WDR48: variants seen among roughly 807,000 people sequenced by gnomAD.
WDR48 encodes the protein WD repeat domain 48, also known as WD repeat-containing protein 48.
Under a neutral mutation model 94.0 loss-of-function variants are expected in WDR48, and 22 were observed. The observed-to-expected ratio is 0.23, with a 90% CI of 0.17 to 0.33. The LOEUF (loss-of-function observed/expected upper bound fraction) is 0.33, where lower values mean the gene tolerates loss of function less well. Ranked by LOEUF, WDR48 falls within the 10% of genes least tolerant of loss-of-function variation. The pLI is 1.00. For synonymous variants in WDR48, 278 were observed against 280.5 expected (o/e 0.99, Z 0.09); for missense variants, 541 against 813.8 (o/e 0.66, Z 4.08).
At position 39,094,813 on chromosome 3, in the gene WDR48, G is replaced by C. The variant is rs1165324529; in HGVS notation, c.*70G>C. 1.9e-6 allele frequency: 3 copies of C among 1,576,838 alleles called. No individual in the cohort carries two copies. The highest frequency in any genetic ancestry group is 1.2e-5 in the South Asian group (1 of 86,424). On this transcript the variant is annotated 3_prime_UTR_variant, in exon 19 of 19. Transcript: ENST00000302313. ...ATGGCCCCAAGAGTAGTCCTAGGAAGCCCACTGATCCCCAACGGGAGCAAG... is the reference window on the plus strand; with the variant it reads ...ATGGCCCCAAGAGTAGTCCTAGGAACCCCACTGATCCCCAACGGGAGCAAG...
intron 11 of WDR48, among the ~76,000 whole-genome samples, chr3:39,083,510 T>TA (rs923240559): frequency 4.6e-5 from 7 of 152,126 alleles, no homozygotes; most frequent in African/African-American, 1.7e-4. Flanking sequence ...GGGAGAATGA[T>TA]AGAGAAAGTT....
chr3:39,080,303 G>C (rs1351471123), intron 11 of WDR48, among the ~76,000 whole-genome samples: 1 of 152,194 alleles, frequency 6.6e-6, no homozygotes, highest in African/African-American at 2.4e-5. Flanking sequence ...AGACACACTG[G>C]AGTGCACACA....
chr3:39,086,846 C>T (rs1464698367), intron 14 of WDR48, among the ~76,000 whole-genome samples: 2 of 152,182 alleles, frequency 1.3e-5, no homozygotes, highest in Admixed American at 1.3e-4. Flanking sequence ...ATCACGTCAT[C>T]CTTAACATCA....
In WDR48 at chr3:39,088,186, A is replaced by T; in HGVS notation, c.1533A>T (p.Pro511=). 1 of 1,614,218 alleles carries T rather than the reference A, an allele frequency of 6.2e-7. No individual in the cohort carries two copies. Among genetic ancestry groups the T allele is most frequent in the Non-Finnish European group, 8.5e-7 (1 of 1,180,044 alleles). ...QKGNGYFQVP[P]HTPVIFGEAG... Reference sequence around the variant, plus strand: ...GAAATGGATATTTTCAAGTGCCCCCACATACACCCGTGATCTTTGGTGAAG... The same window carrying T: ...GAAATGGATATTTTCAAGTGCCCCCTCATACACCCGTGATCTTTGGTGAAG... Residue 511 remains proline, a synonymous_variant, in exon 15 of 19, where the codon CCA becomes CCT. Transcript: ENST00000302313.
chr3:39,066,668 T>C (rs1167529536), intron 4 of WDR48, 38 bp downstream of exon 4: 1 of 1,613,090 alleles, frequency 6.2e-7, no homozygotes, highest in Non-Finnish European at 8.5e-7. Context: ...TAGTGTAATA[T>C]TGGGATCTCA....
At chr3:39,085,729 T>C in intron 14 of WDR48, 119 bp downstream of exon 14, 1 of 802,536 alleles carries the variant, frequency 1.2e-6, no homozygotes, top group South Asian at 1.7e-5. Flanking sequence ...CTCAGTTTAT[T>C]GTCCTCTCTT....
At chr3:39,061,320 G>A (rs1308324179) in intron 1 of WDR48, among the ~76,000 whole-genome samples, 2 of 143,574 alleles carry the variant, frequency 1.4e-5, no homozygotes, top group Admixed American at 1.5e-4. Context: ...TCATTGTTCA[G>A]CTCCCACTTA....
chr3:39,084,036 G>A lies in WDR48; in HGVS notation c.1174-119G>A, dbSNP rs146512249. The A allele has an allele frequency of 2.2e-4, 130 of 602,468 alleles. 1 individual carries two copies. In the East Asian group the frequency reaches 3.9e-3, roughly 18 times the overall value. 37.3% of individuals were successfully genotyped at this position (602,468 alleles called of 1,614,324 possible). ...AAAAGGACCACATTCTTTTTGAAAT[G>A]TATTTTAGACTGTTTCACTTAGACA... On this transcript the variant is annotated intron_variant, in intron 11 of 18. Transcript: ENST00000302313.
At chr3:39,094,282 T>C in intron 18 of WDR48, 2 of 1,429,328 alleles carry the variant, frequency 1.4e-6, no homozygotes, top group Non-Finnish European at 9.1e-7. Flanking sequence ...TAGCTTTTTT[T>C]TCTGACAAGA....
At chr3:39,069,107 C>T (rs1370385053) in intron 6 of WDR48, among the ~76,000 whole-genome samples, 1 of 152,076 alleles carries the variant, frequency 6.6e-6, no homozygotes, top group Non-Finnish European at 1.5e-5. Context: ...CAGGCACACA[C>T]CATCACGTGC....
In WDR48 at chr3:39,068,699, T is replaced by G. The variant is rs576507604; in HGVS notation, c.482-72T>G. ...TAAGATTTTCTAAATTGAATAAACT[T>G]GCAGTTTTTGCTGACTAGTTACTAA... On this transcript the variant is annotated intron_variant, in intron 5 of 18. Coordinates refer to ENST00000302313, the MANE Select transcript of WDR48 (RefSeq NM_020839.4). 16 of 1,041,684 alleles carry G rather than the reference T, an allele frequency of 1.5e-5. No individual in the cohort carries two copies. The South Asian group carries it at 2.5e-4, about 16-fold the overall frequency. The allele number at this position is 1,041,684 out of a possible 1,614,324, so 64.5% of individuals were successfully genotyped here. A position where few individuals can be genotyped will look rare whatever the true frequency, so the allele number is the denominator to read the frequency against.
At chr3:39,054,230 G>A (rs1206849553) in intron 1 of WDR48, among the ~76,000 whole-genome samples, 1 of 152,082 alleles carries the variant, frequency 6.6e-6, no homozygotes, top group Admixed American at 6.5e-5. Context: ...AAGCTACTGC[G>A]GGCAATGTCA....
At chr3:39,090,167 T>TA (rs1338255308) in intron 16 of WDR48, 3 of 152,222 alleles carry the variant, frequency 2.0e-5, no homozygotes, top group African/African-American at 7.2e-5. Context: ...TAATCTTTGC[T>TA]AAAAAATAGG....
At chr3:39,062,236 G>A (rs1042697553) in intron 1 of WDR48, among the ~76,000 whole-genome samples, 1 of 152,150 alleles carries the variant, frequency 6.6e-6, no homozygotes, top group Admixed American at 6.5e-5. Context: ...ATGGTTTTAA[G>A]TCTTAACATT....
At chr3:39,094,140 G>A (rs1251522397) in intron 18 of WDR48, 74 bp downstream of exon 18, 30 of 1,528,046 alleles carry the variant, frequency 2.0e-5, no homozygotes, top group Middle Eastern at 1.8e-4. Flanking sequence ...GCCTTTGGGT[G>A]GGGGGCTTCT....
chr3:39,075,027 TAAAACA>T, intron 8 of WDR48, 77 bp downstream of exon 8: 2 of 1,426,726 alleles, frequency 1.4e-6, no homozygotes, highest in Non-Finnish European at 1.9e-6. Flanking sequence ...AAAGCTATAT[TAAAACA>T]TGACTCAACT....
rs1173063560 is a variant in WDR48, at chr3:39,078,954, C to T, written c.1075+715C>T. 4.7e-5 allele frequency among the ~76,000 whole-genome samples: 7 copies of T among 149,200 alleles called. No individual in the cohort carries two copies. In the East Asian group the frequency reaches 1.2e-3, roughly 26 times the overall value. ...CTGAGGCAGGAGAATGGCGTGAACC[C>T]GGGAGGCGGAGCTTGCAGTGAGCCG... On this transcript the variant is annotated intron_variant, in intron 10 of 18. Transcript: ENST00000302313.
In WDR48 at chr3:39,093,913, A is replaced by T; in HGVS notation, c.1785A>T (p.Lys595Asn). The T allele has an allele frequency of 6.2e-7, 1 of 1,612,466 alleles. No homozygotes were observed. The highest frequency in any genetic ancestry group is 8.5e-7 in the Non-Finnish European group (1 of 1,179,494). ...CTAGTGACATGCTCCAAGTCCGAAA[A>T]GTTATGGAACATGTTTATGAAAAAA... ...LSASDMLQVR[K>N]VMEHVYEKII... The change falls in exon 18 of 19, where the codon AAA becomes AAT. Residue 595 changes from lysine to asparagine, a missense_variant. By Grantham distance (94) the Lys-to-Asn change is moderately conservative. Transcript: ENST00000302313.
intron 11 of WDR48, among the ~76,000 whole-genome samples, chr3:39,080,771 A>G (rs1478780601): frequency 6.6e-6 from 1 of 152,224 alleles, no homozygotes; most frequent in African/African-American, 2.4e-5. Context: ...TTTCCAGTAG[A>G]TGCATAATGG....
Sources: allele counts gnomAD v4.1 joint callset (sites outside exome capture counted in the v4.1 genomes callset), GRCh38; gene constraint gnomAD v4.1.1; transcripts MANE v1.5; gene names NCBI Gene and HGNC (gene_info 2026-07-23, HGNC 2026-07-21).